Variants in DSCAM observed in about 807,000 individuals in gnomAD.
DSCAM encodes the protein cell adhesion molecule DSCAM.
DSCAM carries 47 observed loss-of-function variants against 217.7 expected under a neutral mutation model. The ratio of observed to expected loss-of-function variants is 0.22; its 90% CI spans 0.17 to 0.28. The LOEUF (loss-of-function observed/expected upper bound fraction) is 0.28, where lower values mean the gene tolerates loss of function less well. Among genes scored for constraint, DSCAM ranks in the 10% least tolerant of loss-of-function variants. The pLI is 1.00. For missense variants in DSCAM, 2,080 were observed against 2,618.3 expected, an observed-to-expected ratio of 0.79 and a Z score of 4.49; for synonymous variants, 1,056 against 1,015.3, an observed-to-expected ratio of 1.04 and a Z score of -0.76.
intron 2 of DSCAM, among the ~76,000 whole-genome samples, chr21:40,706,087 G>T (rs2090713150): frequency 6.6e-6 from 1 of 151,412 alleles, no homozygotes; most frequent in Non-Finnish European, 1.5e-5. Flanking sequence ...AGGCTGGGCA[G>T]GAAAACGGCG....
Position 40,178,975 on chromosome 21 carries a change from C to T in DSCAM, c.2899G>A (p.Gly967Ser). ...SIRMYAKNRIGKSEPSNELTI... is the reference protein window; with the variant it reads ...SIRMYAKNRISKSEPSNELTI... ...AGCTCGTTGCTGGGCTCGCTCTTGC[C>T]AATCCGGTTCTTGGCGTACATGCGG... The change falls in exon 15 of 33, where the codon GGC (glycine) becomes AGC (serine). Residue 967 changes from glycine (G) to serine (S), a missense_variant. Coordinates refer to ENST00000400454, the MANE Select transcript of DSCAM (RefSeq NM_001389.5). 4 of 1,614,082 alleles carry T rather than the reference C, an allele frequency of 2.5e-6. No individual in the cohort carries two copies. The highest frequency in any genetic ancestry group is 3.4e-6 in the Non-Finnish European group (4 of 1,180,016).
intron 4 of DSCAM, among the ~76,000 whole-genome samples, 185 bp downstream of exon 4, chr21:40,368,914 A>T (rs2123697452): frequency 6.6e-6 from 1 of 152,338 alleles, no homozygotes; most frequent in South Asian, 2.1e-4. Flanking sequence ...ACAAATGTGA[A>T]ATCTGTATTT....
chr21:40,364,354 AATG>A (rs1569086352), intron 4 of DSCAM, among the ~76,000 whole-genome samples: 2 of 152,300 alleles, frequency 1.3e-5, no homozygotes, highest in South Asian at 4.1e-4. Context: ...AGCCATAAAA[AATG>A]ATGAGTTCAT....
chr21:40,507,482 A>G (rs1278123538), intron 3 of DSCAM, among the ~76,000 whole-genome samples: 1 of 152,148 alleles, frequency 6.6e-6, no homozygotes, highest in Non-Finnish European at 1.5e-5. Context: ...TGTCCATCTT[A>G]CATTTGTGAA....
At chr21:40,134,185 G>A (rs761170977) in intron 18 of DSCAM, among the ~76,000 whole-genome samples, 176 bp from the exon 19 acceptor site, 8 of 152,086 alleles carry the variant, frequency 5.3e-5, no homozygotes, top group African/African-American at 1.2e-4. Flanking sequence ...ATGGTGTCAC[G>A]TGGCCCTTTG....
intron 3 of DSCAM, among the ~76,000 whole-genome samples, chr21:40,471,542 A>C (rs1412460567): frequency 6.6e-6 from 1 of 152,210 alleles, no homozygotes; most frequent in Admixed American, 6.5e-5. Flanking sequence ...AATCCTCCAC[A>C]ACAACCTGAT....
chr21:40,295,569 C>T (rs961027570), intron 10 of DSCAM, among the ~76,000 whole-genome samples: 2 of 152,018 alleles, frequency 1.3e-5, no homozygotes, highest in South Asian at 2.1e-4. Context: ...AAGGAGATGA[C>T]GTGTAATCTG....
At chr21:40,175,427 C>G (rs1383615226) in intron 15 of DSCAM, among the ~76,000 whole-genome samples, 1 of 152,120 alleles carries the variant, frequency 6.6e-6, no homozygotes, top group Non-Finnish European at 1.5e-5. Context: ...AAGTTTATTT[C>G]TTACAGAAAT....
intron 3 of DSCAM, among the ~76,000 whole-genome samples, chr21:40,549,236 C>G (rs2076610082): frequency 6.6e-6 from 1 of 151,966 alleles, no homozygotes; most frequent in Non-Finnish European, 1.5e-5. Context: ...GAGAGAATAC[C>G]AACAACAAAA....
chr21:40,625,254 A>C (rs748458766), intron 3 of DSCAM, among the ~76,000 whole-genome samples: 3 of 152,206 alleles, frequency 2.0e-5, no homozygotes, highest in Non-Finnish European at 2.9e-5. Context: ...ATGGAGACTA[A>C]CTGTCCACAT....
At chr21:40,390,995 A>G (rs1368226699) in intron 3 of DSCAM, among the ~76,000 whole-genome samples, 1 of 152,186 alleles carries the variant, frequency 6.6e-6, no homozygotes, top group Non-Finnish European at 1.5e-5. Flanking sequence ...AGAAAACTGT[A>G]TCTATGGTTC....
intron 3 of DSCAM, among the ~76,000 whole-genome samples, chr21:40,380,856 G>A (rs1404049683): frequency 2.0e-5 from 3 of 152,028 alleles, no homozygotes; most frequent in Admixed American, 6.5e-5. Context: ...AAGGTCAGGA[G>A]ATCGAGACCA....
In DSCAM at chr21:40,776,210, T is replaced by C. The variant is rs796573084; in HGVS notation, c.44-67439A>G. 2.6e-4 allele frequency among the ~76,000 whole-genome samples: 39 copies of C among 152,268 alleles called. 1 individual carries two copies. Among genetic ancestry groups the C allele is most frequent in the African/African-American group, 9.1e-4 (38 of 41,576 alleles). Reference sequence around the variant, plus strand: ...AAAATATAAATAAATACCTCTAATATAATTTTTTATATTATTTCTTCCAGA... The same window carrying C: ...AAAATATAAATAAATACCTCTAATACAATTTTTTATATTATTTCTTCCAGA... On this transcript the variant is annotated intron_variant, in intron 1 of 32. Coordinates refer to ENST00000400454, the MANE Select transcript of DSCAM (RefSeq NM_001389.5).
At chr21:40,351,236 A>G (rs991555864) in intron 5 of DSCAM, among the ~76,000 whole-genome samples, 6 of 152,130 alleles carry the variant, frequency 3.9e-5, no homozygotes, top group African/African-American at 7.2e-5. Flanking sequence ...TTGGCAGGAC[A>G]TGGCAGGACT....
chr21:40,671,594 C>G (rs1879867487), intron 3 of DSCAM, among the ~76,000 whole-genome samples: 1 of 145,660 alleles, frequency 6.9e-6, no homozygotes, highest in Admixed American at 7.3e-5. Flanking sequence ...GAGGCTGAGG[C>G]AAGAGAATTG....
chr21:40,259,397 T>C (rs1049787886), intron 11 of DSCAM, among the ~76,000 whole-genome samples: 7 of 151,896 alleles, frequency 4.6e-5, no homozygotes, highest in Admixed American at 6.6e-5. Context: ...TCCTTCTCAT[T>C]AAGAATAAAG....
chr21:40,134,099 C>G, intron 18 of DSCAM, 90 bp from the exon 19 acceptor site: 1 of 1,467,880 alleles, frequency 6.8e-7, no homozygotes, highest in South Asian at 1.4e-5. Flanking sequence ...GTCCCTGTGC[C>G]ATGCCATCAC....
At chr21:40,650,706 T>C (rs1812235) in intron 3 of DSCAM, among the ~76,000 whole-genome samples, 1 of 151,950 alleles carries the variant, frequency 6.6e-6, no homozygotes, top group Non-Finnish European at 1.5e-5. Context: ...ATGAGGTCAG[T>C]AGTTCAAGAC....
intron 24 of DSCAM, among the ~76,000 whole-genome samples, chr21:40,083,354 G>A (rs1317639436): frequency 6.6e-6 from 1 of 152,202 alleles, no homozygotes; most frequent in East Asian, 1.9e-4. Flanking sequence ...ACTTCAACTC[G>A]ACAGGCGGAG....
Sources: gnomAD v4.1 joint callset for allele counts (sites outside exome capture counted in the v4.1 genomes callset) on GRCh38, gnomAD v4.1.1 for gene constraint, MANE v1.5 for transcripts, NCBI Gene and HGNC (gene_info 2026-07-23, HGNC 2026-07-21) for gene names.